Variants in MN1 observed in about 807,000 individuals in gnomAD.
The protein encoded by MN1 is transcriptional activator MN1.
A neutral mutation model predicts 86.9 loss-of-function variants in MN1; 19 were observed. The observed-to-expected ratio is 0.22, with a 90% CI of 0.15 to 0.32. The LOEUF (loss-of-function observed/expected upper bound fraction) is 0.32, where lower values mean the gene tolerates loss of function less well. Ranked by LOEUF, MN1 falls within the 10% of genes least tolerant of loss-of-function variation. The pLI, the probability that MN1 is intolerant of heterozygous loss-of-function variation, is 1.00. For synonymous variants in MN1, 928 were observed against 849.6 expected, an observed-to-expected ratio of 1.09 and a Z score of -1.60; for missense variants, 1,841 against 1,862.0, an observed-to-expected ratio of 0.99 and a Z score of 0.21.
chr22:27,761,471 A>G (rs1259277614), intron 1 of MN1, among the ~76,000 whole-genome samples: 1 of 150,500 alleles, frequency 6.6e-6, no homozygotes, highest in Non-Finnish European at 1.5e-5. Flanking sequence ...TGGGATGAGA[A>G]CTTCCCAGGG....
At position 27,800,531 on chromosome 22, in the gene MN1, C is replaced by G. The variant is rs1933415585; in HGVS notation, c.13G>C (p.Asp5His). Residue 5 changes from aspartate to histidine, a missense_variant, in exon 1 of 2, where the codon GAC (aspartate) becomes CAC (histidine). Asp to His is a moderately conservative substitution (Grantham distance 81). Coordinates refer to ENST00000302326, the MANE Select transcript of MN1 (RefSeq NM_002430.3). ...CTGTTGACCTGGGGCTCGAATTGGT[C>G]CAGCCCAAACATACTTGGCGGGGGG... MFGLDQFEPQVNSRN... is the reference protein window; with the variant it reads MFGLHQFEPQVNSRN... 6.2e-7 allele frequency: 1 copy of G among 1,614,146 alleles called. No homozygotes were observed. The highest frequency in any genetic ancestry group is 1.1e-5 in the South Asian group (1 of 91,086).
chr22:27,769,621 C>T (rs753925272), intron 1 of MN1, among the ~76,000 whole-genome samples: 1 of 125,078 alleles, frequency 8.0e-6, no homozygotes. Context: ...GGCGCAATCT[C>T]GGCTCGCTGC....
intron 1 of MN1, among the ~76,000 whole-genome samples, chr22:27,778,566 C>T (rs145349973): frequency 6.6e-4 from 100 of 152,342 alleles, no homozygotes; most frequent in Admixed American, 8.5e-4. Flanking sequence ...AGACGCTGGG[C>T]GGAGTGCTTT....
At chr22:27,775,569 T>A (rs1191160179) in intron 1 of MN1, among the ~76,000 whole-genome samples, 1 of 152,180 alleles carries the variant, frequency 6.6e-6, no homozygotes, top group African/African-American at 2.4e-5. Context: ...ATGAGTGGCA[T>A]CTTGCTCCTG....
chr22:27,797,386 T>C lies in MN1; in HGVS notation c.3158A>G (p.Tyr1053Cys), dbSNP rs1255185911. Residue 1053 changes from tyrosine to cysteine, a missense_variant, in exon 1 of 2, where the codon TAC becomes TGC. Tyr to Cys is a radical substitution (Grantham distance 194). Coordinates refer to ENST00000302326, the MANE Select transcript of MN1 (RefSeq NM_002430.3). ...GGACGACACCTCGTCCTCATTGGCGTAGCTCGTGCTCACCTCGTCCGAGGC... is the reference window on the plus strand; with the variant it reads ...GGACGACACCTCGTCCTCATTGGCGCAGCTCGTGCTCACCTCGTCCGAGGC... ...EFASDEVSTS[Y>C]ANEDEVSSSS... 6.2e-7 allele frequency: 1 copy of C among 1,611,780 alleles called. No homozygotes were observed. Among genetic ancestry groups the C allele is most frequent in the East Asian group, 2.2e-5 (1 of 44,850 alleles).
Position 27,798,438 on chromosome 22 carries a change from G to T in MN1, c.2106C>A (p.Phe702Leu). 1 of 1,557,200 alleles carries T rather than the reference G, an allele frequency of 6.4e-7. No individual in the cohort carries two copies. The highest frequency in any genetic ancestry group is 2.4e-5 in the East Asian group (1 of 41,550). ...GACCCAGGCCTCCCAGACTGCCCCCGAACTGCAGGCCCGGTGAAGGCAGCG... is the reference window on the plus strand; with the variant it reads ...GACCCAGGCCTCCCAGACTGCCCCCTAACTGCAGGCCCGGTGAAGGCAGCG... Reference protein sequence around the residue: ...VPALPSPGLQFGGSLGGLGQL... With the variant: ...VPALPSPGLQLGGSLGGLGQL... Residue 702 changes from phenylalanine (F) to leucine (L), a missense_variant, in exon 1 of 2, where the codon TTC becomes TTA. By Grantham distance (22) the Phe-to-Leu change is conservative. Coordinates refer to ENST00000302326, the MANE Select transcript of MN1 (RefSeq NM_002430.3).
intron 1 of MN1, among the ~76,000 whole-genome samples, chr22:27,786,982 TA>T (rs1203524671): frequency 6.6e-6 from 1 of 152,214 alleles, no homozygotes; most frequent in African/African-American, 2.4e-5. Flanking sequence ...CCCGGAGGCC[TA>T]ACAGGATTAC....
chr22:27,791,749 A>T (rs565965353), intron 1 of MN1: 54 of 152,356 alleles, frequency 3.5e-4, no homozygotes, highest in African/African-American at 1.3e-3. Context: ...TTCCTTACCA[A>T]GAGTGTTTAT....
Position 27,800,286 on chromosome 22 carries a change from C to T in MN1, c.258G>A (p.Gln86=), listed in dbSNP as rs781427301. The stretch of plus-strand genomic sequence containing the variant: ...GGCCGCCAAAGAAGCCGTGCACAGG[C>T]TGCGCTTGCAGCCCCCCTGCGTGCA... ...SELHAGGLQA[Q]PVHGFFGGQQ... Residue 86 remains glutamine (Q), a synonymous_variant, in exon 1 of 2, where the codon CAG becomes CAA. Transcript: ENST00000302326. 4 of 1,578,010 alleles carry T rather than the reference C, an allele frequency of 2.5e-6. No individual in the cohort carries two copies. The highest frequency in any genetic ancestry group is 3.4e-6 in the Non-Finnish European group (4 of 1,162,422).
chr22:27,776,524 G>A (rs1250666511), intron 1 of MN1, among the ~76,000 whole-genome samples: 2 of 152,188 alleles, frequency 1.3e-5, no homozygotes, highest in Non-Finnish European at 2.9e-5. Flanking sequence ...CGGAGGCTGG[G>A]GGGTGGCTCT....
chr22:27,792,074 C>A (rs1933218102), intron 1 of MN1, among the ~76,000 whole-genome samples: 7 of 152,026 alleles, frequency 4.6e-5, no homozygotes, highest in Admixed American at 4.6e-4. Flanking sequence ...TATTAAGATT[C>A]TTTGTGGAAA....
intron 1 of MN1, among the ~76,000 whole-genome samples, chr22:27,790,011 G>A (rs1382420746): frequency 6.6e-6 from 1 of 152,194 alleles, no homozygotes; most frequent in African/African-American, 2.4e-5. Flanking sequence ...TCAACCCCTT[G>A]GATTTCAAGA....
At position 27,800,977 on chromosome 22, in the gene MN1, C is replaced by T. The variant is rs1933427012; in HGVS notation, c.-434G>A. On this transcript the variant is annotated 5_prime_UTR_variant, in exon 1 of 2. Coordinates refer to ENST00000302326, the MANE Select transcript of MN1 (RefSeq NM_002430.3). ...TGGGTCTGCTGGGGAGCCCTCAGGA[C>T]GCCGCCCGCAGCCTCCCGGAGTCCG... 6.7e-6 allele frequency: 2 copies of T among 300,100 alleles called. No individual in the cohort carries two copies. Among genetic ancestry groups the T allele is most frequent in the Admixed American group, 9.3e-5 (2 of 21,408 alleles). The allele number at this position is 300,100 out of a possible 1,614,324, so 18.6% of individuals were successfully genotyped here.
chr22:27,748,890 T>C lies in MN1; in HGVS notation c.*2025A>G. 2 of 228,502 alleles carry C rather than the reference T, an allele frequency of 8.8e-6. No homozygotes were observed. Among genetic ancestry groups the C allele is most frequent in the Non-Finnish European group, 1.7e-5 (2 of 115,004 alleles). The allele number at this position is 228,502 out of a possible 1,614,324, so 14.2% of individuals were successfully genotyped here. ...CATTCCTGTTTCAAAAGTAAAATGA[T>C]GAGGCTCTCAAACAGCTGTACACTG... is the stretch of plus-strand genomic sequence containing the variant. On this transcript the variant is annotated 3_prime_UTR_variant, in exon 2 of 2. Coordinates refer to ENST00000302326, the MANE Select transcript of MN1 (RefSeq NM_002430.3).
chr22:27,771,687 G>A (rs142199671), intron 1 of MN1, among the ~76,000 whole-genome samples: 633 of 152,326 alleles, frequency 4.2e-3, no homozygotes, highest in Non-Finnish European at 6.7e-3. Flanking sequence ...TTGCATGACA[G>A]GGAAAGGGAT....
Position 27,785,024 on chromosome 22 carries a change from G to T in MN1, c.3781+11739C>A, listed in dbSNP as rs146409227. Among the ~76,000 whole-genome samples the T allele has an allele frequency of 8.6e-3, 1,271 of 147,960 alleles. 23 individuals carry two copies. Among genetic ancestry groups the T allele is most frequent in the African/African-American group, 0.029 (1,178 of 39,976 alleles). The stretch of plus-strand genomic sequence containing the variant: ...GGACGATTGCAACTATTTGATCGCC[G>T]GCATCTATATAGATGTGCGTGCTGG... On this transcript the variant is annotated intron_variant, in intron 1 of 1. Transcript: ENST00000302326.
chr22:27,778,319 G>A (rs990358075), intron 1 of MN1, among the ~76,000 whole-genome samples: 3 of 152,224 alleles, frequency 2.0e-5, no homozygotes, highest in Non-Finnish European at 4.4e-5. Context: ...GGGAATTTCT[G>A]CCAGCTGCCG....
intron 1 of MN1, among the ~76,000 whole-genome samples, chr22:27,782,722 T>C (rs1457400625): frequency 6.6e-6 from 1 of 152,176 alleles, no homozygotes; most frequent in Non-Finnish European, 1.5e-5. Flanking sequence ...ACAGAAAGAT[T>C]AAGTAACCTG....
chr22:27,750,145 C>T lies in MN1; in HGVS notation c.*770G>A, dbSNP rs1423799264. Reference sequence around the variant, plus strand: ...CTCCTTCCCACAGAGCAGAGCTGGACACGTCCTCACGTCCATCGCAGAGAG... The same window carrying T: ...CTCCTTCCCACAGAGCAGAGCTGGATACGTCCTCACGTCCATCGCAGAGAG... On this transcript the variant is annotated 3_prime_UTR_variant, in exon 2 of 2. Coordinates refer to ENST00000302326, the MANE Select transcript of MN1 (RefSeq NM_002430.3). 1 of 231,774 alleles carries T rather than the reference C, an allele frequency of 4.3e-6. No individual in the cohort carries two copies. Among genetic ancestry groups the T allele is most frequent in the East Asian group, 6.1e-5 (1 of 16,412 alleles). The allele number at this position is 231,774 out of a possible 1,614,324, so 14.4% of individuals were successfully genotyped here. A position where few individuals can be genotyped will look rare whatever the true frequency, so the allele number is the denominator to read the frequency against.
Sources: gnomAD v4.1 joint callset for allele counts (sites outside exome capture counted in the v4.1 genomes callset) on GRCh38, gnomAD v4.1.1 for gene constraint, MANE v1.5 for transcripts, NCBI Gene and HGNC (gene_info 2026-07-23, HGNC 2026-07-21) for gene names.